The following PVALB variants were observed in gnomAD, a reference collection of about 807,000 sequenced individuals.
The protein encoded by PVALB is parvalbumin, also known as parvalbumin alpha.
A neutral mutation model predicts 10.9 loss-of-function variants in PVALB; 11 were observed. The ratio of observed to expected loss-of-function variants is 1.01; its 90% CI spans 0.63 to 1.67. The LOEUF is 1.67. PVALB is among the 40% of genes most tolerant of loss of function. The pLI, the probability that PVALB is intolerant of heterozygous loss-of-function variation, is 0.00. For missense variants in PVALB, 131 were observed against 136.2 expected (o/e 0.96, Z 0.19); for synonymous variants, 57 against 50.7 (o/e 1.12, Z -0.53).
intron 3 of PVALB, among the ~76,000 whole-genome samples, chr22:36,804,382 C>T (rs7287559): frequency 1.3e-5 from 2 of 152,176 alleles, no homozygotes; most frequent in Non-Finnish European, 2.9e-5. Flanking sequence ...AGCCCCTCTG[C>T]CCACCCTGCA....
chr22:36,817,993 A>G (rs1351949066), upstream of PVALB, among the ~76,000 whole-genome samples: 2 of 152,056 alleles, frequency 1.3e-5, no homozygotes, highest in Non-Finnish European at 2.9e-5. Context: ...TCACCTCTGG[A>G]AAAATGTCAC....
rs116786036 is a variant in PVALB at position 36,812,489 on chromosome 22, T to C, written c.304+1157A>G. 1.4e-3 allele frequency among the ~76,000 whole-genome samples: 208 copies of C among 152,386 alleles called. 2 individuals are homozygous for C. Among genetic ancestry groups the C allele is most frequent in the African/African-American group, 4.8e-3 (199 of 41,596 alleles). On this transcript the variant is annotated intron_variant, in intron 3 of 3. Coordinates refer to ENST00000417718, the MANE Select transcript of PVALB (RefSeq NM_001315532.2). Reference sequence around the variant, plus strand: ...AGCTAACAAATACATATATAACATTTACTCTGTGCCAGACACTGTTCTAGG... The same window carrying C: ...AGCTAACAAATACATATATAACATTCACTCTGTGCCAGACACTGTTCTAGG...
chr22:36,811,905 C>A (rs1266770793), intron 3 of PVALB, among the ~76,000 whole-genome samples: 1 of 152,116 alleles, frequency 6.6e-6, no homozygotes, highest in Non-Finnish European at 1.5e-5. Flanking sequence ...CCCTCCTTCC[C>A]AGCCACAAGA....
chr22:36,800,793 A>T lies in PVALB; in HGVS notation c.*97T>A. On this transcript the variant is annotated 3_prime_UTR_variant, in exon 4 of 4. Coordinates refer to ENST00000417718, the MANE Select transcript of PVALB (RefSeq NM_001315532.2). ...AGGGGATGGGGGAGTAAAAAATAAC[A>T]TAAACGAACTGAACAGAAATGCAGG... 3 of 1,385,252 alleles carry T rather than the reference A, an allele frequency of 2.2e-6. No individual in the cohort carries two copies. Among genetic ancestry groups the T allele is most frequent in the Non-Finnish European group, 1.0e-6 (1 of 971,922 alleles). The allele number at this position is 1,385,252 out of a possible 1,614,324, so 85.8% of individuals were successfully genotyped here.
intron 3 of PVALB, among the ~76,000 whole-genome samples, chr22:36,802,239 T>C (rs1343043939): frequency 6.6e-6 from 1 of 152,056 alleles, no homozygotes; most frequent in African/African-American, 2.4e-5. Context: ...TATCTACAAT[T>C]ATTTCAAAAT....
chr22:36,801,405 G>T (rs1190917558), intron 3 of PVALB, among the ~76,000 whole-genome samples: 1 of 152,232 alleles, frequency 6.6e-6, no homozygotes, highest in Admixed American at 6.5e-5. Flanking sequence ...GAGAGGACAA[G>T]GAGTTTGCTG....
At chr22:36,804,729 T>A (rs1938923972) in intron 3 of PVALB, among the ~76,000 whole-genome samples, 1 of 151,784 alleles carries the variant, frequency 6.6e-6, no homozygotes, top group Non-Finnish European at 1.5e-5. Flanking sequence ...AGGTCAGGAG[T>A]TCGAGACCAG....
At chr22:36,805,366 G>A (rs1057488933) in intron 3 of PVALB, among the ~76,000 whole-genome samples, 1 of 152,168 alleles carries the variant, frequency 6.6e-6, no homozygotes, top group Non-Finnish European at 1.5e-5. Flanking sequence ...GGTATCTGGT[G>A]GTGTTGCAAC....
intron 2 of PVALB, 55 bp from the exon 3 acceptor site, chr22:36,813,810 A>C: frequency 7.5e-7 from 1 of 1,340,406 alleles, no homozygotes; most frequent in Non-Finnish European, 1.1e-6. Flanking sequence ...GTCGCCTTGC[A>C]GGACGCTGGA....
intron 3 of PVALB, among the ~76,000 whole-genome samples, chr22:36,812,679 G>A (rs954969016): frequency 2.6e-5 from 4 of 152,178 alleles, no homozygotes; most frequent in Admixed American, 6.5e-5. Context: ...ATAGCCTGGG[G>A]CCCAGAGGCC....
chr22:36,812,975 C>CT (rs1367582245), intron 3 of PVALB, among the ~76,000 whole-genome samples: 1 of 152,216 alleles, frequency 6.6e-6, no homozygotes, highest in Non-Finnish European at 1.5e-5. Flanking sequence ...CGGTGGGCCA[C>CT]TGGTCTCTCA....
intron 3 of PVALB, among the ~76,000 whole-genome samples, chr22:36,804,952 A>G (rs577324767): frequency 6.6e-6 from 1 of 152,212 alleles, no homozygotes; most frequent in South Asian, 2.1e-4. Flanking sequence ...ACGAACAAAC[A>G]AACAAACAAA....
intron 3 of PVALB, among the ~76,000 whole-genome samples, chr22:36,807,922 G>T (rs1195096106): frequency 6.6e-6 from 1 of 152,204 alleles, no homozygotes; most frequent in African/African-American, 2.4e-5. Context: ...CAAGGGGTGG[G>T]GGGGTTGCAA....
At position 36,805,960 on chromosome 22, in the gene PVALB, G is replaced by A. The variant is rs1284864971; in HGVS notation, c.305-5042C>T. 2.6e-5 allele frequency among the ~76,000 whole-genome samples: 4 copies of A among 152,242 alleles called. No individual in the cohort carries two copies. In the South Asian group the frequency reaches 6.2e-4, roughly 24 times the overall value. On this transcript the variant is annotated intron_variant, in intron 3 of 3. Coordinates refer to ENST00000417718, the MANE Select transcript of PVALB (RefSeq NM_001315532.2). ...CCATCAGAGCTAGCATCCCACCTCC[G>A]GCACATCCATCCGTGGCAACTTAGT...
chr22:36,818,622 CTCAGAT>C (rs1939189468), upstream of PVALB: 1 of 152,620 alleles, frequency 6.6e-6, no homozygotes, highest in South Asian at 2.1e-4. Context: ...GGGCTGCTGA[CTCAGAT>C]ATGCCAGGCT....
Position 36,815,198 on chromosome 22 carries a change from C to A in PVALB, c.99G>T (p.Met33Ile), listed in dbSNP as rs1939119331. Residue 33 changes from methionine (M) to isoleucine (I), a missense_variant, in exon 2 of 4, where the codon ATG becomes ATT. Physicochemically the swap from Met to Ile is conservative, Grantham distance 10 (BLOSUM62 1). Coordinates refer to ENST00000417718, the MANE Select transcript of PVALB (RefSeq NM_001315532.2). Reference sequence around the variant, plus strand: ...CCGCACTCTTTTTCTTCAGGCCGACCATTTGGAAGAACTTTTTGTGGTCGA... The same window carrying A: ...CCGCACTCTTTTTCTTCAGGCCGACAATTTGGAAGAACTTTTTGTGGTCGA... Reference protein sequence around the residue: ...DSFDHKKFFQMVGLKKKSADD... With the variant: ...DSFDHKKFFQIVGLKKKSADD... The A allele has an allele frequency of 5.0e-6, 8 of 1,614,076 alleles. No homozygotes were observed. In the East Asian group the frequency reaches 1.6e-4, roughly 31 times the overall value.
intron 3 of PVALB, among the ~76,000 whole-genome samples, chr22:36,812,491 C>T (rs1487407421): frequency 2.6e-5 from 4 of 152,240 alleles, no homozygotes; most frequent in Admixed American, 2.6e-4. Flanking sequence ...ATAACATTTA[C>T]TCTGTGCCAG....
intron 1 of PVALB, among the ~76,000 whole-genome samples, chr22:36,816,086 G>T (rs887182496): frequency 1.8e-4 from 28 of 151,848 alleles, no homozygotes; most frequent in Non-Finnish European, 3.7e-4. Context: ...GGGAATGGCT[G>T]TTGAAGTCAT....
chr22:36,813,960 G>A (rs930852351), intron 2 of PVALB, among the ~76,000 whole-genome samples: 2 of 152,194 alleles, frequency 1.3e-5, no homozygotes, highest in Middle Eastern at 3.2e-3. Context: ...GAAAGGACAG[G>A]CTGTCCTCAG....
Sources: gnomAD v4.1 joint callset for allele counts (sites outside exome capture counted in the v4.1 genomes callset) on GRCh38, gnomAD v4.1.1 for gene constraint, MANE v1.5 for transcripts, NCBI Gene and HGNC (gene_info 2026-07-23, HGNC 2026-07-21) for gene names.